Variants in ERI3 observed in about 807,000 individuals in gnomAD.
ERI3 encodes the protein ERI1 exoribonuclease 3.
Under a neutral mutation model 44.4 loss-of-function variants are expected in ERI3, and 18 were observed. The ratio of observed to expected loss-of-function variants is 0.41; its 90% CI spans 0.28 to 0.60. ERI3 has a LOEUF of 0.60. ERI3 is among the 20% of genes least tolerant of loss of function. ERI3 has a pLI of 0.36. For missense variants in ERI3, 294 were observed against 435.5 expected, an observed-to-expected ratio of 0.68 and a Z score of 2.89; for synonymous variants, 183 against 164.8, an observed-to-expected ratio of 1.11 and a Z score of -0.84.
chr1:44,338,147 T>C (rs1204134866), intron 3 of ERI3, among the ~76,000 whole-genome samples: 1 of 152,164 alleles, frequency 6.6e-6, no homozygotes, highest in Non-Finnish European at 1.5e-5. Flanking sequence ...GCAAAGAAAT[T>C]GTCCTTTCCA....
At chr1:44,354,217 A>G in intron 1 of ERI3, 1 of 985,376 alleles carries the variant, frequency 1.0e-6, no homozygotes, top group African/African-American at 1.7e-5. Flanking sequence ...TTCCGCTGGG[A>G]GACTGATTAA....
chr1:44,351,184 C>A (rs1557874440), intron 2 of ERI3, among the ~76,000 whole-genome samples: 1 of 152,110 alleles, frequency 6.6e-6, no homozygotes. Flanking sequence ...TAGATGTGCA[C>A]CACCATGCCC....
At chr1:44,351,075 C>T (rs1646880909) in intron 2 of ERI3, among the ~76,000 whole-genome samples, 1 of 151,624 alleles carries the variant, frequency 6.6e-6, no homozygotes, top group Admixed American at 6.6e-5. Flanking sequence ...GCTCTGTCAC[C>T]CAGGCTGGAG....
rs7546192 is a variant in ERI3, at chr1:44,335,100, G to A, written c.489+3945C>T. ...CACACCTGTAATCAGAGCACTTTAG[G>A]AGGCCGAGGTGGAAGTATCATTTGA... On this transcript the variant is annotated intron_variant, in intron 3 of 8. Coordinates refer to ENST00000372257, the MANE Select transcript of ERI3 (RefSeq NM_024066.3). Among the ~76,000 whole-genome samples, 253 of 152,298 alleles carry A rather than the reference G, an allele frequency of 1.7e-3. 1 individual carries two copies. The highest frequency in any genetic ancestry group is 5.8e-3 in the African/African-American group (243 of 41,554).
chr1:44,339,096 A>G lies in ERI3; in HGVS notation c.438T>C (p.Phe146=), dbSNP rs1646594488. The change falls in exon 3 of 9, where the codon TTT becomes TTC. Residue 146 remains phenylalanine, a synonymous_variant. Transcript: ENST00000372257. ...VSFPPQRYHY[F]LVLDFEATCD... ...ACGTGGCCTCAAAGTCCAGCACTAA[A>G]AAGTAGTGATACCTCTGGGGAGGGA... 6.2e-7 allele frequency: 1 copy of G among 1,614,048 alleles called. No individual in the cohort carries two copies. The highest frequency in any genetic ancestry group is 1.1e-5 in the South Asian group (1 of 91,064).
intron 6 of ERI3, among the ~76,000 whole-genome samples, chr1:44,292,020 G>A (rs1645517115): frequency 6.6e-6 from 1 of 152,272 alleles, no homozygotes; most frequent in South Asian, 2.1e-4. Flanking sequence ...GCTCTGTGAG[G>A]GTTAAAGGAG....
At chr1:44,322,610 T>C (rs562947012) in intron 3 of ERI3, 2 of 1,291,050 alleles carry the variant, frequency 1.5e-6, no homozygotes, top group African/African-American at 3.0e-5. Flanking sequence ...TTATTAACAA[T>C]GAGCCTACAC....
chr1:44,259,223 A>G (rs1644837852), intron 7 of ERI3, among the ~76,000 whole-genome samples: 1 of 152,084 alleles, frequency 6.6e-6, no homozygotes, highest in Admixed American at 6.5e-5. Flanking sequence ...GGGGAGTCTG[A>G]CTTAGGTGGG....
chr1:44,257,131 T>A (rs1038561348), intron 7 of ERI3, among the ~76,000 whole-genome samples: 2 of 152,128 alleles, frequency 1.3e-5, no homozygotes, highest in Non-Finnish European at 2.9e-5. Flanking sequence ...CCGGCTCCAA[T>A]AAGTGTATTT....
At position 44,261,810 on chromosome 1, in the gene ERI3, G is replaced by T. The variant is rs1057318800; in HGVS notation, c.832-13772C>A. 5.1e-4 allele frequency among the ~76,000 whole-genome samples: 78 copies of T among 152,202 alleles called. 1 individual carries two copies. The highest frequency in any genetic ancestry group is 7.3e-5 in the Non-Finnish European group (5 of 68,030). On this transcript the variant is annotated intron_variant, in intron 7 of 8. Coordinates refer to ENST00000372257, the MANE Select transcript of ERI3 (RefSeq NM_024066.3). Reference sequence around the variant, plus strand: ...CATCTACTCCCAGCTTCCCAACCAGGCCCAGGAACCCACCTGGCCCTTGGC... The same window carrying T: ...CATCTACTCCCAGCTTCCCAACCAGTCCCAGGAACCCACCTGGCCCTTGGC...
At chr1:44,287,281 C>A (rs367859076) in intron 6 of ERI3, among the ~76,000 whole-genome samples, 2 of 152,220 alleles carry the variant, frequency 1.3e-5, no homozygotes, top group African/African-American at 2.4e-5. Context: ...GATAAGACAG[C>A]GGAGATTACA....
At chr1:44,315,376 C>A (rs1223684979) in intron 4 of ERI3, among the ~76,000 whole-genome samples, 1 of 152,202 alleles carries the variant, frequency 6.6e-6, no homozygotes, top group African/African-American at 2.4e-5. Flanking sequence ...ACCCCATAAG[C>A]CCCTGCCCTG....
chr1:44,316,696 C>T (rs1646094600), intron 4 of ERI3, among the ~76,000 whole-genome samples: 1 of 152,236 alleles, frequency 6.6e-6, no homozygotes, highest in South Asian at 2.1e-4. Context: ...ACCAATAAAT[C>T]TCACCCTTTA....
At chr1:44,354,856 G>A (rs1378082088) in intron 1 of ERI3, 36 bp downstream of exon 1, 1 of 1,314,668 alleles carries the variant, frequency 7.6e-7, no homozygotes, top group Non-Finnish European at 9.8e-7. Context: ...CATTAACCAG[G>A]GCCCAATCTT....
At chr1:44,332,710 G>C (rs1268255006) in intron 3 of ERI3, among the ~76,000 whole-genome samples, 2 of 152,154 alleles carry the variant, frequency 1.3e-5, no homozygotes, top group African/African-American at 2.4e-5. Context: ...GCCAAGACTC[G>C]GACACAGCAA....
At chr1:44,232,629 A>G (rs1427838472) in intron 8 of ERI3, among the ~76,000 whole-genome samples, 1 of 152,194 alleles carries the variant, frequency 6.6e-6, no homozygotes, top group East Asian at 1.9e-4. Flanking sequence ...AGCTCCAACC[A>G]TCAAATCCAC....
At chr1:44,244,761 C>A (rs1403569674) in intron 8 of ERI3, among the ~76,000 whole-genome samples, 1 of 152,080 alleles carries the variant, frequency 6.6e-6, no homozygotes, top group Non-Finnish European at 1.5e-5. Flanking sequence ...ACAGCTTTCC[C>A]ACGCACAACC....
intron 6 of ERI3, among the ~76,000 whole-genome samples, chr1:44,289,610 A>G (rs1645462456): frequency 6.6e-6 from 1 of 152,242 alleles, no homozygotes. Context: ...AGCACACAGG[A>G]CAAAGCAAAA....
intron 2 of ERI3, among the ~76,000 whole-genome samples, chr1:44,339,633 G>A (rs939249516): frequency 6.6e-6 from 1 of 152,144 alleles, no homozygotes; most frequent in Non-Finnish European, 1.5e-5. Flanking sequence ...GTTCAAAAGA[G>A]AGAAGAGAGA....
Sources: allele counts gnomAD v4.1 joint callset (sites outside exome capture counted in the v4.1 genomes callset), GRCh38; gene constraint gnomAD v4.1.1; transcripts MANE v1.5; gene names NCBI Gene and HGNC (gene_info 2026-07-23, HGNC 2026-07-21).